The following LRBA variants were observed in gnomAD, a reference collection of about 807,000 sequenced individuals.
LRBA encodes LPS responsive beige-like anchor protein.
Under a neutral mutation model 330.0 loss-of-function variants are expected in LRBA, and 176 were observed. The ratio of observed to expected loss-of-function variants is 0.53; its 90% CI spans 0.47 to 0.60. The LOEUF (loss-of-function observed/expected upper bound fraction) is 0.60. Among genes scored for constraint, LRBA ranks in the 20% least tolerant of loss-of-function variants. The probability of loss-of-function intolerance (pLI) is 0.00; values close to 1 mark genes in which losing one functional copy is unlikely to be tolerated. For missense variants in LRBA, 3,259 were observed against 3,444.8 expected, an observed-to-expected ratio of 0.95 and a Z score of 1.35; for synonymous variants, 1,230 against 1,193.0, an observed-to-expected ratio of 1.03 and a Z score of -0.64.
chr4:150,370,471 A>G (rs1740101786), intron 47 of LRBA, among the ~76,000 whole-genome samples: 1 of 151,828 alleles, frequency 6.6e-6, no homozygotes, highest in Non-Finnish European at 1.5e-5. Context: ...ACTATATGAT[A>G]CATTGGAAAA....
intron 2 of LRBA, among the ~76,000 whole-genome samples, chr4:150,982,602 CAA>C (rs202226194): frequency 1.1e-4 from 13 of 116,972 alleles, no homozygotes; most frequent in African/African-American, 2.5e-4. Flanking sequence ...TTGTATTTGC[CAA>C]AAAAAAAAAA....
At chr4:150,827,689 C>T (rs985286187) in intron 30 of LRBA, among the ~76,000 whole-genome samples, 6 of 151,616 alleles carry the variant, frequency 4.0e-5, no homozygotes, top group African/African-American at 1.2e-4. Flanking sequence ...AACCACTGCC[C>T]CTCCTGGGTT....
intron 40 of LRBA, among the ~76,000 whole-genome samples, chr4:150,553,203 A>ACT: frequency 6.6e-6 from 1 of 152,184 alleles, no homozygotes; most frequent in East Asian, 1.9e-4. Flanking sequence ...CATTCTCAGC[A>ACT]AACTATCGCA....
chr4:150,658,605 C>G lies in LRBA; in HGVS notation c.5921+24946G>C, dbSNP rs1385580241. The stretch of plus-strand genomic sequence containing the variant: ...TCCCTCTCCCTCTCCCTCTCCCTCT[C>G]CCTCTCCCTCTCCCTCTCCCTCTGC... On this transcript the variant is annotated intron_variant, in intron 37 of 56. Transcript: ENST00000651943. Among the ~76,000 whole-genome samples the G allele has an allele frequency of 3.9e-3, 6 of 1,520 alleles. 2 individuals are homozygous for G. Among genetic ancestry groups the G allele is most frequent in the African/African-American group, 0.022 (6 of 272 alleles). 1.0% of individuals were successfully genotyped at this position (1,520 alleles called of 152,430 possible). A position where few individuals can be genotyped will look rare whatever the true frequency, so the allele number is the denominator to read the frequency against.
chr4:150,539,217 G>A (rs901311543), intron 40 of LRBA, among the ~76,000 whole-genome samples: 2 of 152,070 alleles, frequency 1.3e-5, no homozygotes, highest in African/African-American at 2.4e-5. Flanking sequence ...GTCGTGATCC[G>A]CCCGCTGCGG....
chr4:150,632,318 G>A (rs762721152), intron 37 of LRBA, among the ~76,000 whole-genome samples: 1 of 151,574 alleles, frequency 6.6e-6, no homozygotes, highest in Non-Finnish European at 1.5e-5. Flanking sequence ...AAAAATACCA[G>A]CAACAGAATT....
At chr4:150,968,040 T>C (rs1300141662) in intron 2 of LRBA, among the ~76,000 whole-genome samples, 1 of 149,086 alleles carries the variant, frequency 6.7e-6, no homozygotes, top group Non-Finnish European at 1.5e-5. Context: ...AGTCTCACTC[T>C]GTCGCCCAGG....
At chr4:150,423,682 C>T (rs1314659951) in intron 46 of LRBA, 3 of 242,158 alleles carry the variant, frequency 1.2e-5, no homozygotes, top group Admixed American at 5.4e-5. Flanking sequence ...CGACCCAGCA[C>T]CACTGCACGC....
chr4:150,886,744 A>C (rs929772660), intron 17 of LRBA, among the ~76,000 whole-genome samples: 3 of 152,180 alleles, frequency 2.0e-5, no homozygotes, highest in Non-Finnish European at 4.4e-5. Context: ...GTGTTAGAGG[A>C]TTATAACAGG....
rs1395459804 is a variant in LRBA at position 150,473,353 on chromosome 4, G to C, written c.6552-1614C>G. Among the ~76,000 whole-genome samples, 3 of 152,148 alleles carry C rather than the reference G, an allele frequency of 2.0e-5. No individual in the cohort carries two copies. In the East Asian group the frequency reaches 5.8e-4, roughly 29 times the overall value. On this transcript the variant is annotated intron_variant, in intron 42 of 56. Transcript: ENST00000651943. ...ACATTCTGAATACAACTCTGTGATA[G>C]TTAATTTTATGTGTCAGCTTGACTG...
At chr4:150,775,452 AACACAC>A (rs200525703) in intron 34 of LRBA, among the ~76,000 whole-genome samples, 5,190 of 33,656 alleles carry the variant, frequency 0.15, 208 homozygotes, top group African/African-American at 0.2. Context: ...TCTGCAATGG[AACACAC>A]ACACACACAC....
intron 40 of LRBA, among the ~76,000 whole-genome samples, chr4:150,529,701 T>C (rs1027765932): frequency 2.0e-5 from 3 of 146,496 alleles, no homozygotes; most frequent in Non-Finnish European, 4.5e-5. Context: ...CAGCCTGGGC[T>C]ACAGAGCGAG....
chr4:150,443,460 A>G (rs553647238), intron 44 of LRBA, among the ~76,000 whole-genome samples: 38 of 152,316 alleles, frequency 2.5e-4, no homozygotes, highest in African/African-American at 8.9e-4. Flanking sequence ...AATGTCCAAC[A>G]ATAATAGACT....
At chr4:150,910,985 C>T (rs1731929124) in intron 9 of LRBA, among the ~76,000 whole-genome samples, 1 of 152,106 alleles carries the variant, frequency 6.6e-6, no homozygotes, top group Admixed American at 6.6e-5. Flanking sequence ...TCAAACTGTT[C>T]ATTACTACTT....
intron 36 of LRBA, among the ~76,000 whole-genome samples, chr4:150,687,711 T>A (rs1476758838): frequency 6.6e-6 from 1 of 152,142 alleles, no homozygotes; most frequent in African/African-American, 2.4e-5. Context: ...GCTCTTTAAA[T>A]GTAAATGAAT....
chr4:150,929,995 C>T (rs930104088), intron 2 of LRBA, among the ~76,000 whole-genome samples: 1 of 151,966 alleles, frequency 6.6e-6, no homozygotes, highest in Non-Finnish European at 1.5e-5. Flanking sequence ...AAAAGGTATG[C>T]AATAATTAGA....
At chr4:150,378,502 T>A (rs1741699533) in intron 47 of LRBA, among the ~76,000 whole-genome samples, 1 of 152,220 alleles carries the variant, frequency 6.6e-6, no homozygotes, top group Admixed American at 6.5e-5. Flanking sequence ...TGTAAATAAA[T>A]GTAAACTCTC....
chr4:150,756,091 A>T (rs566065503), intron 35 of LRBA, among the ~76,000 whole-genome samples: 6 of 151,798 alleles, frequency 4.0e-5, no homozygotes, highest in Non-Finnish European at 8.8e-5. Context: ...ATTTGCACTT[A>T]TTTTTCAAAA....
intron 2 of LRBA, among the ~76,000 whole-genome samples, chr4:150,969,190 C>T (rs1739244957): frequency 6.6e-6 from 1 of 152,218 alleles, no homozygotes; most frequent in Non-Finnish European, 1.5e-5. Flanking sequence ...GTTAACATAA[C>T]ATCCATTTTG....
Sources: gnomAD v4.1 joint callset for allele counts (sites outside exome capture counted in the v4.1 genomes callset) on GRCh38, gnomAD v4.1.1 for gene constraint, MANE v1.5 for transcripts, NCBI Gene and HGNC (gene_info 2026-07-23, HGNC 2026-07-21) for gene names.